The following TRPC3 variants were observed in gnomAD, a reference collection of about 807,000 sequenced individuals.
TRPC3 encodes short transient receptor potential channel 3.
In TRPC3, 54 loss-of-function variants were observed where a neutral mutation model predicts 90.9. The ratio of observed to expected loss-of-function variants is 0.59; its 90% CI spans 0.48 to 0.75. The LOEUF (loss-of-function observed/expected upper bound fraction) is 0.75, where lower values mean the gene tolerates loss of function less well. Among genes scored for constraint, TRPC3 ranks in the 30% least tolerant of loss-of-function variants. The probability of loss-of-function intolerance (pLI) is 0.00; values close to 1 mark genes in which losing one functional copy is unlikely to be tolerated. For missense variants in TRPC3, 918 were observed against 1,194.5 expected, an observed-to-expected ratio of 0.77 and a Z score of 3.41; for synonymous variants, 424 against 450.9, an observed-to-expected ratio of 0.94 and a Z score of 0.75.
At chr4:121,901,926 CAA>C (rs1364071497) in intron 9 of TRPC3, among the ~76,000 whole-genome samples, 1 of 151,848 alleles carries the variant, frequency 6.6e-6, no homozygotes, top group South Asian at 2.1e-4. Flanking sequence ...CCAGGTCAAA[CAA>C]AAAAAGATTT....
intron 9 of TRPC3, 79 bp from the exon 10 acceptor site, chr4:121,899,774 G>T: frequency 8.8e-7 from 1 of 1,135,580 alleles, no homozygotes; most frequent in African/African-American, 1.6e-5. Context: ...TATTCTCCTT[G>T]ATAACATTTC....
intron 10 of TRPC3, among the ~76,000 whole-genome samples, chr4:121,885,097 C>A (rs1415092579): frequency 1.3e-5 from 2 of 152,154 alleles, no homozygotes; most frequent in Non-Finnish European, 2.9e-5. Flanking sequence ...ACAAGTTGAG[C>A]CTCTGCACAA....
chr4:121,933,714 C>CA (rs1730033915), intron 1 of TRPC3, among the ~76,000 whole-genome samples: 1 of 152,110 alleles, frequency 6.6e-6, no homozygotes, highest in South Asian at 2.1e-4. Context: ...TAGGCTCAAG[C>CA]AATCCTCCAC....
At chr4:121,893,699 A>G (rs1728411246) in intron 10 of TRPC3, among the ~76,000 whole-genome samples, 1 of 152,184 alleles carries the variant, frequency 6.6e-6, no homozygotes, top group Non-Finnish European at 1.5e-5. Context: ...TAAATATTAA[A>G]AAGACACACA....
chr4:121,885,016 T>C (rs1455454634), intron 10 of TRPC3, among the ~76,000 whole-genome samples: 8 of 152,166 alleles, frequency 5.3e-5, no homozygotes. Context: ...TGTGTATCAG[T>C]TGAAAGCAGC....
At position 121,879,835 on chromosome 4, in the gene TRPC3, A is replaced by G. The variant is rs766876186; in HGVS notation, c.2667T>C (p.Tyr889=). 4 of 1,607,132 alleles carry G rather than the reference A, an allele frequency of 2.5e-6. No individual in the cohort carries two copies. Among genetic ancestry groups the G allele is most frequent in the South Asian group, 2.2e-5 (2 of 89,030 alleles). Residue 889 remains tyrosine, a synonymous_variant, in exon 12 of 12, where the codon TAT becomes TAC. Transcript: ENST00000379645. ...CTTGGCTCTTGTCTTCCAAAAGTTC[A>G]TAACGAAGGCTGGAGATATCTTGCT... ...EIKQDISSLR[Y]ELLEDKSQAT...
chr4:121,888,590 T>C (rs1480595239), intron 10 of TRPC3, among the ~76,000 whole-genome samples: 3 of 150,730 alleles, frequency 2.0e-5, no homozygotes, highest in Non-Finnish European at 4.4e-5. Context: ...AGAGACAGGG[T>C]TTCACCATGT....
intron 7 of TRPC3, among the ~76,000 whole-genome samples, chr4:121,905,160 A>C (rs942414821): frequency 6.6e-6 from 1 of 152,094 alleles, no homozygotes; most frequent in East Asian, 1.9e-4. Flanking sequence ...ATATTCTATC[A>C]TTTAAATAAA....
intron 2 of TRPC3, among the ~76,000 whole-genome samples, chr4:121,929,943 T>C (rs866804428): frequency 6.6e-6 from 1 of 152,054 alleles, no homozygotes; most frequent in African/African-American, 2.4e-5. Flanking sequence ...CACCATGGAA[T>C]AGGGCAAATT....
chr4:121,907,246 T>C, intron 7 of TRPC3, 57 bp downstream of exon 7: 1 of 1,491,614 alleles, frequency 6.7e-7, no homozygotes, highest in Non-Finnish European at 9.0e-7. Flanking sequence ...CTTTGCTTCC[T>C]CTAGATTGGT....
rs562764682 is a variant in TRPC3, at chr4:121,880,580, A to G, written c.2624-702T>C. Among the ~76,000 whole-genome samples the G allele has an allele frequency of 4.6e-5, 7 of 152,304 alleles. No individual in the cohort carries two copies. The South Asian group carries it at 1.4e-3, about 32-fold the overall frequency. On this transcript the variant is annotated intron_variant, in intron 11 of 11. Transcript: ENST00000379645. ...TGCTCCCATAATTCAGTTTGGCAGTATTTTGAGCATACGTATATTGCAATT... is the reference window on the plus strand; with the variant it reads ...TGCTCCCATAATTCAGTTTGGCAGTGTTTTGAGCATACGTATATTGCAATT...
rs556084176 is a variant in TRPC3 at position 121,880,258 on chromosome 4, C to T, written c.2624-380G>A. 2.7e-3 allele frequency among the ~76,000 whole-genome samples: 407 copies of T among 152,202 alleles called. 3 individuals carry two copies. The highest frequency in any genetic ancestry group is 7.9e-3 in the African/African-American group (327 of 41,526). On this transcript the variant is annotated intron_variant, in intron 11 of 11. Coordinates refer to ENST00000379645, the MANE Select transcript of TRPC3 (RefSeq NM_001130698.2). ...GTTGACACCTGCATCAAATATCTCC[C>T]ATTGCTAGGATCAAAGGGAATCCTA... is the stretch of plus-strand genomic sequence containing the variant.
At chr4:121,887,549 A>G (rs759006651) in intron 10 of TRPC3, among the ~76,000 whole-genome samples, 3 of 152,186 alleles carry the variant, frequency 2.0e-5, no homozygotes, top group Admixed American at 6.5e-5. Context: ...CAAGCCATCA[A>G]TGATATCCTT....
At chr4:121,946,385 G>A (rs1038247152) in intron 1 of TRPC3, among the ~76,000 whole-genome samples, 4 of 152,236 alleles carry the variant, frequency 2.6e-5, no homozygotes, top group South Asian at 2.1e-4. Flanking sequence ...GTTAGACACC[G>A]TAGAAGATTT....
chr4:121,882,527 T>C (rs1727978950), intron 10 of TRPC3, 98 bp from the exon 11 acceptor site: 2 of 1,086,190 alleles, frequency 1.8e-6, no homozygotes, highest in Non-Finnish European at 2.6e-6. Context: ...AGCAAACAAC[T>C]CAGGGGAGAA....
In TRPC3 at chr4:121,951,705, G is replaced by A; in HGVS notation, c.-25C>T. ...TCGCGCCGGCTGCGGTCCGAGTGTG[G>A]GGGTGCCGGCTGCCGGCCTCCTCCG... On this transcript the variant is annotated 5_prime_UTR_variant, in exon 1 of 12. Coordinates refer to ENST00000379645, the MANE Select transcript of TRPC3 (RefSeq NM_001130698.2). The surrounding 1 kb of genome is among the most constrained non-coding windows in gnomAD (Gnocchi z 4.4). 1 of 1,295,256 alleles carries A rather than the reference G, an allele frequency of 7.7e-7. No individual in the cohort carries two copies. The highest frequency in any genetic ancestry group is 9.9e-7 in the Non-Finnish European group (1 of 1,011,730). The allele number at this position is 1,295,256 out of a possible 1,614,324, so 80.2% of individuals were successfully genotyped here. A position where few individuals can be genotyped will look rare whatever the true frequency, so the allele number is the denominator to read the frequency against.
chr4:121,901,410 G>A (rs1009614305), intron 9 of TRPC3, among the ~76,000 whole-genome samples: 6 of 152,188 alleles, frequency 3.9e-5, no homozygotes, highest in South Asian at 2.1e-4. Flanking sequence ...TCCAGGTGCC[G>A]CAGAGAGAGC....
intron 7 of TRPC3, among the ~76,000 whole-genome samples, chr4:121,906,584 T>G (rs555226254): frequency 2.6e-5 from 4 of 152,032 alleles, no homozygotes; most frequent in African/African-American, 9.6e-5. Context: ...ACTTACTGAG[T>G]GTATAGTTTG....
Position 121,876,065 on chromosome 4 carries a change from A to T in TRPC3, c.*3671T>A, listed in dbSNP as rs1346848667. Among the ~76,000 whole-genome samples, 2 of 151,088 alleles carry T rather than the reference A, an allele frequency of 1.3e-5. No homozygotes were observed. Among genetic ancestry groups the T allele is most frequent in the Non-Finnish European group, 3.0e-5 (2 of 67,724 alleles). Reference sequence around the variant, plus strand: ...AGACACATGCCACCATGCCCGGCTAATTTTTTTTGTATTTTTTGTAGAGAC... The same window carrying T: ...AGACACATGCCACCATGCCCGGCTATTTTTTTTTGTATTTTTTGTAGAGAC... On this transcript the variant is annotated 3_prime_UTR_variant, in exon 12 of 12. Coordinates refer to ENST00000379645, the MANE Select transcript of TRPC3 (RefSeq NM_001130698.2).
Sources: allele counts gnomAD v4.1 joint callset (sites outside exome capture counted in the v4.1 genomes callset), GRCh38; gene constraint gnomAD v4.1.1; non-coding constraint Gnocchi (gnomAD v3.1); transcripts MANE v1.5; gene names NCBI Gene and HGNC (gene_info 2026-07-23, HGNC 2026-07-21).